The following NTM variants were observed in gnomAD, a reference collection of about 807,000 sequenced individuals.
NTM encodes neurotrimin, also known as IgLON family member 2.
NTM carries 13 observed loss-of-function variants against 42.1 expected under a neutral mutation model. That is an observed-to-expected ratio of 0.31 (90% confidence interval 0.20 to 0.49). The LOEUF is 0.49. Ranked by LOEUF, NTM falls within the 20% of genes least tolerant of loss-of-function variation. The pLI is 0.99. For missense variants in NTM, 373 were observed against 452.8 expected, an observed-to-expected ratio of 0.82 and a Z score of 1.60; for synonymous variants, 187 against 179.2, an observed-to-expected ratio of 1.04 and a Z score of -0.35.
At position 131,874,048 on chromosome 11, in the gene NTM, T is replaced by TAATAATATAATATA. The variant is rs1466815638; in HGVS notation, c.83-37515_83-37514insATAATATAATATAA. On this transcript the variant is annotated intron_variant, in intron 1 of 8. Transcript: ENST00000683400. ...ATAATATAATATATATATATATATA[T>TAATAATATAATATA]ATATATATATATATATATATCAGCA... Among the ~76,000 whole-genome samples the TAATAATATAATATA allele has an allele frequency of 1.2e-3, 65 of 56,152 alleles. 3 individuals are homozygous for TAATAATATAATATA. Among genetic ancestry groups the TAATAATATAATATA allele is most frequent in the African/African-American group, 5.3e-3 (54 of 10,142 alleles). The allele number at this position is 56,152 out of a possible 152,430, so 36.8% of individuals were successfully genotyped here.
chr11:131,635,851 C>T (rs2064301697), intron 1 of NTM, among the ~76,000 whole-genome samples: 1 of 152,116 alleles, frequency 6.6e-6, no homozygotes, highest in Non-Finnish European at 1.5e-5. Flanking sequence ...ACTAGTTTTT[C>T]TTTTATACTC....
intron 1 of NTM, among the ~76,000 whole-genome samples, chr11:131,576,800 C>A (rs1024821258): frequency 1.3e-5 from 2 of 152,148 alleles, no homozygotes; most frequent in Non-Finnish European, 2.9e-5. Context: ...AGTCTGACTA[C>A]CTGGATTGAA....
intron 1 of NTM, among the ~76,000 whole-genome samples, chr11:131,495,745 G>C (rs1323792866): frequency 1.3e-5 from 2 of 152,222 alleles, no homozygotes; most frequent in African/African-American, 4.8e-5. Context: ...GCTGGGGAGG[G>C]GGATTGGGCC....
chr11:132,221,185 C>T (rs1302206521), intron 4 of NTM, among the ~76,000 whole-genome samples: 1 of 152,158 alleles, frequency 6.6e-6, no homozygotes, highest in Non-Finnish European at 1.5e-5. Flanking sequence ...ATGACGACTG[C>T]CTTTCTCCTG....
chr11:132,256,813 C>T (rs2092514452), intron 4 of NTM, among the ~76,000 whole-genome samples: 1 of 152,210 alleles, frequency 6.6e-6, no homozygotes, highest in African/African-American at 2.4e-5. Context: ...ATTCCAGCCG[C>T]AGGAGAGTGG....
At chr11:131,694,124 T>A (rs759751862) in intron 1 of NTM, among the ~76,000 whole-genome samples, 1 of 152,212 alleles carries the variant, frequency 6.6e-6, no homozygotes, top group Non-Finnish European at 1.5e-5. Context: ...GAAGGCTCAA[T>A]GAGACAGTAT....
chr11:131,380,083 C>G (rs1036068413), intron 1 of NTM, among the ~76,000 whole-genome samples: 8 of 152,162 alleles, frequency 5.3e-5, no homozygotes, highest in African/African-American at 1.9e-4. Flanking sequence ...CCTGTTGCTC[C>G]CTCTGTAAAG....
intron 1 of NTM, among the ~76,000 whole-genome samples, chr11:131,578,474 G>T (rs1309013684): frequency 1.3e-5 from 2 of 152,182 alleles, no homozygotes; most frequent in African/African-American, 4.8e-5. Flanking sequence ...CTGCAGGGAA[G>T]TGGGGTGGGT....
chr11:132,334,023 A>G (rs570148345), intron 8 of NTM, among the ~76,000 whole-genome samples: 1 of 152,286 alleles, frequency 6.6e-6, no homozygotes, highest in South Asian at 2.1e-4. Flanking sequence ...TGAGGCCACC[A>G]GCTTTAAATA....
At chr11:132,101,253 C>T (rs777098036) in intron 2 of NTM, among the ~76,000 whole-genome samples, 11 of 152,132 alleles carry the variant, frequency 7.2e-5, no homozygotes, top group Non-Finnish European at 1.5e-4. Flanking sequence ...AGGCTGCTCA[C>T]TTAGGCAAAA....
intron 1 of NTM, among the ~76,000 whole-genome samples, chr11:131,531,644 C>T (rs1256358481): frequency 6.6e-6 from 1 of 152,134 alleles, no homozygotes; most frequent in African/African-American, 2.4e-5. Context: ...TAAACATAAG[C>T]CAACCTGAAT....
intron 3 of NTM, among the ~76,000 whole-genome samples, chr11:132,179,271 A>T (rs1343644987): frequency 2.0e-5 from 3 of 152,198 alleles, no homozygotes; most frequent in Non-Finnish European, 2.9e-5. Flanking sequence ...TAAATTTGTT[A>T]TGTAAAGATT....
At chr11:131,641,819 C>T (rs1485941786) in intron 1 of NTM, among the ~76,000 whole-genome samples, 5 of 151,524 alleles carry the variant, frequency 3.3e-5, no homozygotes, top group South Asian at 2.1e-4. Flanking sequence ...CTCCAACTCC[C>T]GGGTTCAAGT....
intron 1 of NTM, among the ~76,000 whole-genome samples, chr11:131,543,685 C>A (rs1455370846): frequency 6.6e-6 from 1 of 152,190 alleles, no homozygotes; most frequent in Non-Finnish European, 1.5e-5. Flanking sequence ...TCCCCTAATT[C>A]TGAACTTTCA....
intron 1 of NTM, among the ~76,000 whole-genome samples, chr11:131,556,802 G>A (rs558223182): frequency 2.0e-5 from 3 of 152,194 alleles, no homozygotes; most frequent in East Asian, 3.9e-4. Flanking sequence ...TCCTGACCTC[G>A]TGACTCACCT....
chr11:132,085,315 T>C (rs925623693), intron 2 of NTM, among the ~76,000 whole-genome samples: 1 of 152,214 alleles, frequency 6.6e-6, no homozygotes. Flanking sequence ...TAAAATCTGG[T>C]AGATTGTTTT....
At chr11:131,809,507 T>C (rs2092651830) in intron 1 of NTM, among the ~76,000 whole-genome samples, 1 of 152,214 alleles carries the variant, frequency 6.6e-6, no homozygotes, top group African/African-American at 2.4e-5. Context: ...CCAGGGAGCA[T>C]GGGAGAGAAT....
At chr11:131,828,103 A>G (rs1295359593) in intron 1 of NTM, among the ~76,000 whole-genome samples, 1 of 151,988 alleles carries the variant, frequency 6.6e-6, no homozygotes, top group African/African-American at 2.4e-5. Flanking sequence ...TCTACCTGCC[A>G]AATTTTCCTT....
At chr11:131,694,987 T>C (rs1023702360) in intron 1 of NTM, among the ~76,000 whole-genome samples, 1 of 152,050 alleles carries the variant, frequency 6.6e-6, no homozygotes, top group Non-Finnish European at 1.5e-5. Context: ...GCCATGAAAT[T>C]GCGACCTGCT....
Sources: gnomAD v4.1 joint callset for allele counts (sites outside exome capture counted in the v4.1 genomes callset) on GRCh38, gnomAD v4.1.1 for gene constraint, MANE v1.5 for transcripts, NCBI Gene and HGNC (gene_info 2026-07-23, HGNC 2026-07-21) for gene names.